IFRD2: variants seen among roughly 807,000 people sequenced by gnomAD.
IFRD2 encodes interferon-related developmental regulator 2.
A neutral mutation model predicts 49.2 loss-of-function variants in IFRD2; 35 were observed. The ratio of observed to expected loss-of-function variants is 0.71; its 90% CI spans 0.54 to 0.94. IFRD2 has a LOEUF of 0.94. Among genes scored for constraint, IFRD2 ranks in the 40% least tolerant of loss-of-function variants. The pLI is 0.00. For missense variants in IFRD2, 561 were observed against 591.6 expected (o/e 0.95, Z 0.54); for synonymous variants, 275 against 239.7 (o/e 1.15, Z -1.36).
In IFRD2 at chr3:50,289,547, C is replaced by T. The variant is rs1553709339; in HGVS notation, c.679G>A (p.Val227Ile). The T allele has an allele frequency of 1.9e-6, 3 of 1,581,002 alleles. No homozygotes were observed. The East Asian group carries it at 7.0e-5, about 37-fold the overall frequency. The change falls in exon 7 of 12, where the codon GTT becomes ATT. Residue 227 changes from valine (V) to isoleucine (I), a missense_variant. Val to Ile is a conservative substitution (Grantham distance 29, BLOSUM62 3). Transcript: ENST00000417626. The stretch of plus-strand genomic sequence containing the variant: ...AGCAGGCCGTGCAGGCTGGCAGGAA[C>T]CACAGGACTTGTGGAGCTGCCCCCC... ...GLGGSSTSPV[V>I]PASLHGLLSA...
At chr3:50,289,896 A>AG in intron 5 of IFRD2, 33 bp downstream of exon 5, 1 of 1,611,624 alleles carries the variant, frequency 6.2e-7, no homozygotes, top group South Asian at 1.1e-5. Context: ...GATAAGGTGC[A>AG]GGAAGGGTTT....
At chr3:50,288,530 A>G (rs909070410) in intron 10 of IFRD2, 26 bp from the exon 11 acceptor site, 4 of 1,613,858 alleles carry the variant, frequency 2.5e-6, no homozygotes, top group Non-Finnish European at 2.5e-6. Context: ...CAGTGAGCTC[A>G]GGCCAGACTG....
In IFRD2 at chr3:50,287,972, C is replaced by G; in HGVS notation, c.*219G>C. 3.5e-6 allele frequency: 2 copies of G among 565,460 alleles called. No homozygotes were observed. The highest frequency in any genetic ancestry group is 6.0e-5 in the Admixed American group (2 of 33,372). The allele number at this position is 565,460 out of a possible 1,614,324, so 35.0% of individuals were successfully genotyped here. The stretch of plus-strand genomic sequence containing the variant: ...GAGGAAGGCACATATTTAGCCTGGC[C>G]TGAGACAGGACAGGAAGGGGCCACA... On this transcript the variant is annotated 3_prime_UTR_variant, in exon 12 of 12. Transcript: ENST00000417626.
rs782669018 is a variant in IFRD2 at position 50,292,347 on chromosome 3, G to C, written c.-73C>G. On this transcript the variant is annotated 5_prime_UTR_variant, in exon 1 of 12. Transcript: ENST00000417626. ...TGGGCTCCAGGCCAACGAGACGCCG[G>C]CCGGTGCGCTGCGCTGAGACTTGGC... 1.3e-6 allele frequency: 2 copies of C among 1,566,966 alleles called. No individual in the cohort carries two copies. Among genetic ancestry groups the C allele is most frequent in the Non-Finnish European group, 8.6e-7 (1 of 1,160,072 alleles).
chr3:50,290,928 C>A (rs1013010561), intron 1 of IFRD2, among the ~76,000 whole-genome samples: 1 of 151,756 alleles, frequency 6.6e-6, no homozygotes, highest in East Asian at 1.9e-4. Context: ...ACCAGGCTGG[C>A]CCTACTTCTA....
Position 50,287,855 on chromosome 3 carries a change from C to A in IFRD2, c.*336G>T. 1 of 319,580 alleles carries A rather than the reference C, an allele frequency of 3.1e-6. No individual in the cohort carries two copies. The highest frequency in any genetic ancestry group is 4.4e-5 in the Admixed American group (1 of 22,810). 19.8% of individuals were successfully genotyped at this position (319,580 alleles called of 1,614,324 possible). On this transcript the variant is annotated 3_prime_UTR_variant, in exon 12 of 12. Coordinates refer to ENST00000417626, the MANE Select transcript of IFRD2 (RefSeq NM_006764.5). ...GCTGTGGTGGCATTTGTCCAGATGC[C>A]ACCACCCCCCTAAGAGTGGGTCATC...
In IFRD2 at chr3:50,288,579, G is replaced by A. The variant is rs782768042; in HGVS notation, c.1152+4C>T. On this transcript the variant is annotated splice_donor_region_variant and intron_variant, in intron 10 of 11. Transcript: ENST00000417626. ...AGATGTCCCCTCCCTGTCCGTCCCC[G>A]CACCTGGAGGTGGTGGTGCATGCCC... 6.8e-6 allele frequency: 11 copies of A among 1,613,774 alleles called. No homozygotes were observed. Among genetic ancestry groups the A allele is most frequent in the East Asian group, 6.7e-5 (3 of 44,894 alleles).
rs1553709928 is a variant in IFRD2, at chr3:50,292,292, G to A, written c.-18C>T. ...CGAGGCATGCCGGGAACCGGGCGCG[G>A]GGGGCGCGGGGTCAGGGACCCGGTG... On this transcript the variant is annotated 5_prime_UTR_variant, in exon 1 of 12. Transcript: ENST00000417626. 4 of 1,553,246 alleles carry A rather than the reference G, an allele frequency of 2.6e-6. No individual in the cohort carries two copies. Among genetic ancestry groups the A allele is most frequent in the South Asian group, 1.2e-5 (1 of 84,032 alleles).
At chr3:50,288,344 T>C (rs1185355562) in intron 11 of IFRD2, 65 bp downstream of exon 11, 3 of 1,603,882 alleles carry the variant, frequency 1.9e-6, no homozygotes, top group Non-Finnish European at 2.6e-6. Flanking sequence ...TTCCGGCCTC[T>C]ACAGAATTCC....
chr3:50,290,752 T>C, intron 1 of IFRD2, 73 bp from the exon 2 acceptor site: 1 of 1,553,172 alleles, frequency 6.4e-7, no homozygotes, highest in Admixed American at 1.9e-5. Flanking sequence ...TCACTCGACC[T>C]CATAATCCCA....
rs782427360 is a variant in IFRD2 at position 50,288,818 on chromosome 3, G to A, written c.1005C>T (p.Ala335=). The A allele has an allele frequency of 8.7e-6, 14 of 1,613,218 alleles. No homozygotes were observed. The highest frequency in any genetic ancestry group is 1.7e-5 in the Admixed American group (1 of 59,922). The change falls in exon 9 of 12, where the codon GCC becomes GCT. Residue 335 remains alanine (A), a synonymous_variant. Transcript: ENST00000417626. ...DRRRQRSTFR[A]VLHSVEGGEC... The stretch of plus-strand genomic sequence containing the variant: ...CACACACCTCCACGGAGTGCAGCAC[G>A]GCGCGGAAAGTAGAGCGCTGGCGCC...
chr3:50,288,339 G>T, intron 11 of IFRD2, 68 bp from the exon 12 acceptor site: 1 of 1,602,018 alleles, frequency 6.2e-7, no homozygotes, highest in Admixed American at 1.7e-5. Context: ...TCCTCTTCCG[G>T]CCTCTACAGA....
At position 50,288,099 on chromosome 3, in the gene IFRD2, G is replaced by T; in HGVS notation, c.*92C>A. On this transcript the variant is annotated 3_prime_UTR_variant, in exon 12 of 12. Transcript: ENST00000417626. ...GTTTTGTCATTAAAAAAAATAAAGT[G>T]ACAAATACTGGTGGAGACCAGTTGT... The T allele has an allele frequency of 1.7e-6, 2 of 1,166,520 alleles. No homozygotes were observed. Among genetic ancestry groups the T allele is most frequent in the Non-Finnish European group, 2.5e-6 (2 of 800,238 alleles). 72.3% of individuals were successfully genotyped at this position (1,166,520 alleles called of 1,614,324 possible). A position where few individuals can be genotyped will look rare whatever the true frequency, so the allele number is the denominator to read the frequency against.
rs782511063 is a variant in IFRD2 at position 50,287,984 on chromosome 3, A to C, written c.*207T>G. The C allele has an allele frequency of 3.4e-6, 2 of 581,442 alleles. No homozygotes were observed. Among genetic ancestry groups the C allele is most frequent in the African/African-American group, 3.7e-5 (2 of 53,482 alleles). 36.0% of individuals were successfully genotyped at this position (581,442 alleles called of 1,614,324 possible). ...TATTTAGCCTGGCCTGAGACAGGAC[A>C]GGAAGGGGCCACAGGGCTGAGTGCA... On this transcript the variant is annotated 3_prime_UTR_variant, in exon 12 of 12. Coordinates refer to ENST00000417626, the MANE Select transcript of IFRD2 (RefSeq NM_006764.5).
rs2109274270 is a variant in IFRD2 at position 50,288,586 on chromosome 3, G to C, written c.1149C>G (p.Leu383=). ...EVLGSGMHHH[L]QNNELLRDIF... ...CCCTCCCTGTCCGTCCCCGCACCTG[G>C]AGGTGGTGGTGCATGCCCGAACCCA... Residue 383 remains leucine (L), a synonymous_variant, in exon 10 of 12, where the codon CTC becomes CTG. Coordinates refer to ENST00000417626, the MANE Select transcript of IFRD2 (RefSeq NM_006764.5). 6.2e-7 allele frequency: 1 copy of C among 1,613,936 alleles called. No individual in the cohort carries two copies. Among genetic ancestry groups the C allele is most frequent in the Admixed American group, 1.7e-5 (1 of 60,016 alleles).
In IFRD2 at chr3:50,288,812, C is replaced by T. The variant is rs1553709085; in HGVS notation, c.1011G>A (p.Leu337=). Residue 337 remains leucine (L), a synonymous_variant, in exon 9 of 12, where the codon CTG becomes CTA. Transcript: ENST00000417626. The part of the protein sequence containing the change: ...RRQRSTFRAV[L]HSVEGGECEE... Reference sequence around the variant, plus strand: ...TTCTCACACACACCTCCACGGAGTGCAGCACGGCGCGGAAAGTAGAGCGCT... The same window carrying T: ...TTCTCACACACACCTCCACGGAGTGTAGCACGGCGCGGAAAGTAGAGCGCT... The T allele has an allele frequency of 6.2e-7, 1 of 1,613,292 alleles. No homozygotes were observed. Among genetic ancestry groups the T allele is most frequent in the Admixed American group, 1.7e-5 (1 of 59,918 alleles).
At position 50,289,558 on chromosome 3, in the gene IFRD2, G is replaced by A. The variant is rs782019221; in HGVS notation, c.668C>T (p.Thr223Ile). 2 of 1,581,258 alleles carry A rather than the reference G, an allele frequency of 1.3e-6. No individual in the cohort carries two copies. Among genetic ancestry groups the A allele is most frequent in the South Asian group, 2.3e-5 (2 of 86,582 alleles). ...CAGGCTGGCAGGAACCACAGGACTT[G>A]TGGAGCTGCCCCCCAAGCCATAGAA... ...SRFYGLGGSS[T>I]SPVVPASLHG... Residue 223 changes from threonine to isoleucine, a missense_variant, in exon 7 of 12, where the codon ACA becomes ATA. Physicochemically the swap from Thr to Ile is moderately conservative, Grantham distance 89 (BLOSUM62 -1). Coordinates refer to ENST00000417626, the MANE Select transcript of IFRD2 (RefSeq NM_006764.5).
rs782259951 is a variant in IFRD2, at chr3:50,289,330, G to A, written c.810C>T (p.Ser270=). ...CGATCCGCAGGTTCACACTTTCACTGGACAAGAGCTGGGGCAGCCGGGGCA... is the reference window on the plus strand; with the variant it reads ...CGATCCGCAGGTTCACACTTTCACTAGACAAGAGCTGGGGCAGCCGGGGCA... ...RQLPRLPQLL[S]SESVNLRIAA... is the part of the protein sequence containing the mutation. The change falls in exon 8 of 12, where the codon TCC becomes TCT. Residue 270 remains serine, a synonymous_variant. Transcript: ENST00000417626. The A allele has an allele frequency of 5.6e-6, 9 of 1,601,250 alleles. No individual in the cohort carries two copies. Among genetic ancestry groups the A allele is most frequent in the Non-Finnish European group, 7.7e-6 (9 of 1,174,254 alleles).
In IFRD2 at chr3:50,292,309, G is replaced by C; in HGVS notation, c.-35C>G. 1 of 1,565,288 alleles carries C rather than the reference G, an allele frequency of 6.4e-7. No individual in the cohort carries two copies. Among genetic ancestry groups the C allele is most frequent in the Non-Finnish European group, 8.6e-7 (1 of 1,157,446 alleles). On this transcript the variant is annotated 5_prime_UTR_variant, in exon 1 of 12. Coordinates refer to ENST00000417626, the MANE Select transcript of IFRD2 (RefSeq NM_006764.5). ...CGGGCGCGGGGGGCGCGGGGTCAGG[G>C]ACCCGGTGGGTGTGGGCTCCAGGCC...
Sources: gnomAD v4.1 joint callset for allele counts (sites outside exome capture counted in the v4.1 genomes callset) on GRCh38, gnomAD v4.1.1 for gene constraint, MANE v1.5 for transcripts, NCBI Gene and HGNC (gene_info 2026-07-23, HGNC 2026-07-21) for gene names.